The following ZMYND12 variants were observed in gnomAD, a reference collection of about 807,000 sequenced individuals.
ZMYND12 encodes the protein zinc finger MYND domain-containing protein 12.
In ZMYND12, 32 loss-of-function variants were observed where a neutral mutation model predicts 41.7. The observed-to-expected ratio is 0.77, with a 90% CI of 0.58 to 1.03. ZMYND12 has a LOEUF of 1.03. Ranked by LOEUF, ZMYND12 falls within the 50% of genes least tolerant of loss-of-function variation. The pLI, the probability that ZMYND12 is intolerant of heterozygous loss-of-function variation, is 0.00. For missense variants in ZMYND12, 424 were observed against 438.5 expected (o/e 0.97, Z 0.30); for synonymous variants, 148 against 164.8 (o/e 0.90, Z 0.78).
chr1:42,453,083 A>C (rs12039696), intron 1 of ZMYND12, among the ~76,000 whole-genome samples: 58,077 of 151,954 alleles, frequency 0.38, 11,574 homozygotes, highest in East Asian at 0.59. Flanking sequence ...TGGTTCCAGG[A>C]AGGGTACTAG....
chr1:42,445,051 G>C (rs1443631779), intron 3 of ZMYND12, among the ~76,000 whole-genome samples: 1 of 151,186 alleles, frequency 6.6e-6, no homozygotes, highest in Non-Finnish European at 1.5e-5. Flanking sequence ...CTCGTGATCC[G>C]CCCACCTCAG....
At chr1:42,442,178 A>T (rs930725367) in intron 3 of ZMYND12, among the ~76,000 whole-genome samples, 1 of 152,120 alleles carries the variant, frequency 6.6e-6, no homozygotes, top group Non-Finnish European at 1.5e-5. Context: ...AAACTAGAGG[A>T]TTTTCAAAAA....
At chr1:42,436,662 G>A in intron 4 of ZMYND12, 119 bp from the exon 5 acceptor site, 3 of 1,204,326 alleles carry the variant, frequency 2.5e-6, no homozygotes, top group Non-Finnish European at 2.3e-6. Flanking sequence ...TTAAAAATGG[G>A]CAAAAGATCT....
At chr1:42,448,682 A>C in intron 2 of ZMYND12, 44 bp from the exon 3 acceptor site, 1 of 1,545,390 alleles carries the variant, frequency 6.5e-7, no homozygotes, top group East Asian at 2.4e-5. Context: ...TCTAAAGTTA[A>C]AGGCAAAGGT....
intron 3 of ZMYND12, among the ~76,000 whole-genome samples, chr1:42,440,762 A>G (rs1259823244): frequency 6.6e-6 from 1 of 152,026 alleles, no homozygotes; most frequent in Non-Finnish European, 1.5e-5. Flanking sequence ...CTCTGCCTTC[A>G]GGTTCAAGTG....
At chr1:42,436,150 A>G (rs1003348303) in intron 5 of ZMYND12, among the ~76,000 whole-genome samples, 1 of 152,202 alleles carries the variant, frequency 6.6e-6, no homozygotes, top group Non-Finnish European at 1.5e-5. Flanking sequence ...ACAACAGTCT[A>G]TCTGAAGGGG....
intron 3 of ZMYND12, among the ~76,000 whole-genome samples, chr1:42,442,235 T>C (rs546661272): frequency 1.3e-5 from 2 of 152,034 alleles, no homozygotes; most frequent in East Asian, 3.9e-4. Flanking sequence ...CTGGAACCAA[T>C]GTGGAGGAGG....
At chr1:42,437,567 G>A (rs1370265123) in intron 4 of ZMYND12, among the ~76,000 whole-genome samples, 1 of 151,352 alleles carries the variant, frequency 6.6e-6, no homozygotes, top group East Asian at 1.9e-4. Flanking sequence ...AGGCTGGAGT[G>A]CAGTGGTGCG....
At chr1:42,454,976 C>T (rs1466028756) in intron 1 of ZMYND12, among the ~76,000 whole-genome samples, 1 of 152,194 alleles carries the variant, frequency 6.6e-6, no homozygotes, top group Non-Finnish European at 1.5e-5. Context: ...GTAGGATTAA[C>T]CTGATACTTT....
intron 4 of ZMYND12, among the ~76,000 whole-genome samples, chr1:42,439,583 C>T (rs921354052): frequency 1.6e-4 from 24 of 152,138 alleles, no homozygotes; most frequent in South Asian, 1.0e-3. Context: ...CTTCTCTTAA[C>T]GAGTATGCTG....
chr1:42,432,876 T>A, intron 7 of ZMYND12: 1 of 385,084 alleles, frequency 2.6e-6, no homozygotes, highest in Non-Finnish European at 4.6e-6. Context: ...CCCCAGAGCC[T>A]TCCTGCCCTG....
At chr1:42,435,155 G>C in intron 6 of ZMYND12, 119 bp downstream of exon 6, 1 of 740,634 alleles carries the variant, frequency 1.4e-6, no homozygotes, top group Non-Finnish European at 2.4e-6. Context: ...CAGCAACATG[G>C]GGAAGGTGGC....
At chr1:42,455,741 G>C (rs2148413605) in intron 1 of ZMYND12, 147 bp downstream of exon 1, 1 of 599,170 alleles carries the variant, frequency 1.7e-6, no homozygotes, top group East Asian at 2.8e-5. Context: ...CGAGGCCACG[G>C]GAGTCTTAGG....
At chr1:42,432,962 A>G (rs1011810) in intron 7 of ZMYND12, 181 bp downstream of exon 7, 448,075 of 682,112 alleles carry the variant, frequency 0.66, 148,038 homozygotes, top group South Asian at 0.73. Context: ...AGACAATCCA[A>G]TTTCCATTAT....
Position 42,455,973 on chromosome 1 carries a change from C to G in ZMYND12, c.25G>C (p.Val9Leu), listed in dbSNP as rs772839967. The change falls in exon 1 of 8, where the codon GTC becomes CTC. Residue 9 changes from valine to leucine, a missense_variant. By Grantham distance (32) the Val-to-Leu change is conservative. Coordinates refer to ENST00000372565, the MANE Select transcript of ZMYND12 (RefSeq NM_032257.5). The stretch of plus-strand genomic sequence containing the variant: ...CAGCAGAGTCTGCGCCCCTTGGGGA[C>G]TGCCAGTGGGTAGATCACATTCATG... MNVIYPLAVPKGRRLCCEV... is the reference protein window; with the variant it reads MNVIYPLALPKGRRLCCEV... The G allele has an allele frequency of 6.2e-7, 1 of 1,613,288 alleles. No individual in the cohort carries two copies. Among genetic ancestry groups the G allele is most frequent in the Non-Finnish European group, 8.5e-7 (1 of 1,179,984 alleles).
At chr1:42,443,269 C>T (rs1570352070) in intron 3 of ZMYND12, among the ~76,000 whole-genome samples, 1 of 152,300 alleles carries the variant, frequency 6.6e-6, no homozygotes, top group East Asian at 1.9e-4. Flanking sequence ...CAGAACTAAG[C>T]TTGTGACCAG....
At chr1:42,432,060 C>CT (rs111394001) in intron 7 of ZMYND12, among the ~76,000 whole-genome samples, 32,391 of 132,646 alleles carry the variant, frequency 0.24, 4,639 homozygotes, top group South Asian at 0.42. Flanking sequence ...TTTTCTTTTT[C>CT]TTTTTTTTTT....
intron 3 of ZMYND12, among the ~76,000 whole-genome samples, chr1:42,440,679 GTTGT>G (rs1290216035): frequency 6.6e-6 from 1 of 152,070 alleles, no homozygotes; most frequent in East Asian, 1.9e-4. Context: ...TGTTGTTGTT[GTTGT>G]TTTTTTGAGG....
intron 1 of ZMYND12, among the ~76,000 whole-genome samples, chr1:42,452,401 T>C (rs572526482): frequency 1.4e-4 from 21 of 152,312 alleles, no homozygotes; most frequent in African/African-American, 5.1e-4. Flanking sequence ...TTTTAGTATG[T>C]ACTTCCATAA....
Sources: gnomAD v4.1 joint callset for allele counts (sites outside exome capture counted in the v4.1 genomes callset) on GRCh38, gnomAD v4.1.1 for gene constraint, MANE v1.5 for transcripts, NCBI Gene and HGNC (gene_info 2026-07-23, HGNC 2026-07-21) for gene names.